LRRC8D: variants seen among roughly 807,000 people sequenced by gnomAD.
LRRC8D encodes the protein leucine rich repeat containing 8 VRAC subunit D.
LRRC8D carries 20 observed loss-of-function variants against 55.8 expected under a neutral mutation model. The observed-to-expected ratio is 0.36, with a 90% confidence interval of 0.25 to 0.52. The LOEUF is 0.52. Among genes scored for constraint, LRRC8D ranks in the 20% least tolerant of loss-of-function variants. LRRC8D has a pLI of 0.93. For synonymous variants in LRRC8D, 352 were observed against 377.0 expected, an observed-to-expected ratio of 0.93 and a Z score of 0.77; for missense variants, 651 against 1,030.8, an observed-to-expected ratio of 0.63 and a Z score of 5.05.
At chr1:89,922,151 C>T (rs944359351) in intron 2 of LRRC8D, among the ~76,000 whole-genome samples, 1 of 152,038 alleles carries the variant, frequency 6.6e-6, no homozygotes, top group Non-Finnish European at 1.5e-5. Context: ...GAAACCTCCG[C>T]CTCTCAGGTT....
intron 2 of LRRC8D, among the ~76,000 whole-genome samples, chr1:89,923,535 TC>T: frequency 6.6e-6 from 1 of 152,264 alleles, no homozygotes; most frequent in South Asian, 2.1e-4. Context: ...ACAGTGCTAT[TC>T]CTATCAAACT....
At position 89,933,356 on chromosome 1, in the gene LRRC8D, C is replaced by T. The variant is rs367601002; in HGVS notation, c.288C>T (p.Asn96=). 43 of 1,613,980 alleles carry T rather than the reference C, an allele frequency of 2.7e-5. No homozygotes were observed. Among genetic ancestry groups the T allele is most frequent in the Middle Eastern group, 3.3e-4 (2 of 6,084 alleles). Residue 96 remains asparagine (N), a synonymous_variant, in exon 3 of 3, where the codon AAC becomes AAT. Coordinates refer to ENST00000337338, the MANE Select transcript of LRRC8D (RefSeq NM_001134479.2). The surrounding 1 kb of genome is among the most constrained non-coding windows in gnomAD (Gnocchi z 7.0). ...AAGACCAAGATGGGCGGACAACAAACGACATTTCCTTTGGGACATCTGCTG... is the reference window on the plus strand; with the variant it reads ...AAGACCAAGATGGGCGGACAACAAATGACATTTCCTTTGGGACATCTGCTG... ...TNQDQDGRTT[N]DISFGTSAVT...
rs1409763996 is a variant in LRRC8D, at chr1:89,896,812, TAAAC to T, written c.-2-36252_-2-36249del. ...TTTTCTTGTGAATCATAGTTGTTAA[TAAAC>T]AAGCTAAATCTATATAGTGCGAAAT... On this transcript the variant is annotated intron_variant, in intron 2 of 2. Transcript: ENST00000337338. 2.0e-5 allele frequency among the ~76,000 whole-genome samples: 3 copies of T among 152,350 alleles called. No homozygotes were observed. The East Asian group carries it at 5.8e-4, about 29-fold the overall frequency.
At chr1:89,829,428 A>T (rs1469841753) in intron 1 of LRRC8D, among the ~76,000 whole-genome samples, 1 of 152,230 alleles carries the variant, frequency 6.6e-6, no homozygotes, top group African/African-American at 2.4e-5. Flanking sequence ...GTCACATAGA[A>T]GTGGCGGAGG....
At chr1:89,892,338 TGTTCC>T (rs747411116) in intron 2 of LRRC8D, among the ~76,000 whole-genome samples, 47 of 152,234 alleles carry the variant, frequency 3.1e-4, no homozygotes, top group Non-Finnish European at 5.9e-4. Context: ...TACCTGATTC[TGTTCC>T]CCAGCCCATT....
At chr1:89,913,742 A>G (rs899130984) in intron 2 of LRRC8D, among the ~76,000 whole-genome samples, 3 of 152,222 alleles carry the variant, frequency 2.0e-5, no homozygotes, top group African/African-American at 4.8e-5. Context: ...TATATTTTCT[A>G]AGTGGAAGAA....
chr1:89,834,820 G>A (rs1414530899), intron 1 of LRRC8D, among the ~76,000 whole-genome samples: 2 of 152,198 alleles, frequency 1.3e-5, no homozygotes, highest in East Asian at 3.9e-4. Flanking sequence ...GAGCAGCAAA[G>A]CATGGAGTTG....
Position 89,935,172 on chromosome 1 carries a change from A to G in LRRC8D, c.2104A>G (p.Ile702Val), listed in dbSNP as rs771012964. ...HNKIVTIPPSITHVKNLESLY... is the reference protein window; with the variant it reads ...HNKIVTIPPSVTHVKNLESLY... ...CAAAATTGTTACTATTCCTCCCTCT[A>G]TTACCCATGTCAAAAACTTGGAGTC... The change falls in exon 3 of 3, where the codon ATT becomes GTT. Residue 702 changes from isoleucine to valine, a missense_variant. Physicochemically the swap from Ile to Val is conservative, Grantham distance 29. Transcript: ENST00000337338. The G allele has an allele frequency of 5.6e-6, 9 of 1,614,190 alleles. No homozygotes were observed. The highest frequency in any genetic ancestry group is 7.6e-6 in the Non-Finnish European group (9 of 1,180,030).
chr1:89,909,349 T>A (rs1405633672), intron 2 of LRRC8D, among the ~76,000 whole-genome samples: 1 of 152,022 alleles, frequency 6.6e-6, no homozygotes, highest in African/African-American at 2.4e-5. Flanking sequence ...CATATCATTG[T>A]TTACAGACAG....
At chr1:89,875,682 G>C (rs1249433151) in intron 2 of LRRC8D, among the ~76,000 whole-genome samples, 1 of 152,118 alleles carries the variant, frequency 6.6e-6, no homozygotes, top group Non-Finnish European at 1.5e-5. Flanking sequence ...CCAACACATA[G>C]AAGGTGCTTA....
rs1002913081 is a variant in LRRC8D, at chr1:89,905,017, C to G, written c.-2-28050C>G. Among the ~76,000 whole-genome samples the G allele has an allele frequency of 2.4e-5, 3 of 126,596 alleles. 1 individual carries two copies. Among genetic ancestry groups the G allele is most frequent in the Admixed American group, 1.6e-4 (2 of 12,580 alleles). The allele number at this position is 126,596 out of a possible 152,430, so 83.1% of individuals were successfully genotyped here. On this transcript the variant is annotated intron_variant, in intron 2 of 2. Transcript: ENST00000337338. The stretch of plus-strand genomic sequence containing the variant: ...ACTTGATTTTGGAGGTTTTAAATAA[C>G]CCTTTTATAAAGGATTGATAGTTTA...
intron 2 of LRRC8D, among the ~76,000 whole-genome samples, chr1:89,884,164 A>G (rs1047772412): frequency 2.6e-5 from 4 of 152,232 alleles, no homozygotes; most frequent in Non-Finnish European, 5.9e-5. Context: ...CTAAAATTGC[A>G]GATGGGCCTT....
intron 2 of LRRC8D, among the ~76,000 whole-genome samples, chr1:89,861,228 T>C (rs956238260): frequency 6.6e-6 from 1 of 152,164 alleles, no homozygotes; most frequent in Non-Finnish European, 1.5e-5. Flanking sequence ...AAATACCACC[T>C]CTGTCCCCTG....
At chr1:89,835,013 A>G (rs575192342) in intron 1 of LRRC8D, among the ~76,000 whole-genome samples, 1 of 152,274 alleles carries the variant, frequency 6.6e-6, no homozygotes, top group African/African-American at 2.4e-5. Flanking sequence ...TTGAGAAGGG[A>G]AATAATTTTG....
rs543362421 is a variant in LRRC8D, at chr1:89,857,482, TAAC to T, written c.-3+13703_-3+13705del. ...TGTATTATCTGATTTTTAAAAAAAA[TAAC>T]AAGCAGGTATTTTATAATCAGAAAC... On this transcript the variant is annotated intron_variant, in intron 2 of 2. Coordinates refer to ENST00000337338, the MANE Select transcript of LRRC8D (RefSeq NM_001134479.2). Among the ~76,000 whole-genome samples, 966 of 150,102 alleles carry T rather than the reference TAAC, an allele frequency of 6.4e-3. 5 individuals are homozygous for T. Among genetic ancestry groups the T allele is most frequent in the African/African-American group, 0.023 (933 of 40,810 alleles).
At chr1:89,837,402 T>C (rs1011998536) in intron 1 of LRRC8D, among the ~76,000 whole-genome samples, 19 of 152,214 alleles carry the variant, frequency 1.2e-4, no homozygotes, top group African/African-American at 3.4e-4. Context: ...TTTCTTCTGC[T>C]GTATTTATGG....
chr1:89,896,894 T>C (rs763833108), intron 2 of LRRC8D, among the ~76,000 whole-genome samples: 14 of 152,234 alleles, frequency 9.2e-5, no homozygotes, highest in Non-Finnish European at 1.9e-4. Context: ...ATGCCTATTG[T>C]GCATTAGACA....
At chr1:89,863,446 C>A (rs763485710) in intron 2 of LRRC8D, among the ~76,000 whole-genome samples, 8 of 152,164 alleles carry the variant, frequency 5.3e-5, no homozygotes, top group Non-Finnish European at 1.2e-4. Flanking sequence ...ACCTCAGTTT[C>A]TTTTTGCCTC....
chr1:89,907,524 C>T (rs976030601), intron 2 of LRRC8D, among the ~76,000 whole-genome samples: 1 of 152,054 alleles, frequency 6.6e-6, no homozygotes, highest in Non-Finnish European at 1.5e-5. Context: ...TGCCTATGAG[C>T]AGATGAGGAA....
Sources: gnomAD v4.1 joint callset for allele counts (sites outside exome capture counted in the v4.1 genomes callset) on GRCh38, gnomAD v4.1.1 for gene constraint, Gnocchi (gnomAD v3.1) non-coding constraint, MANE v1.5 for transcripts, NCBI Gene and HGNC (gene_info 2026-07-23, HGNC 2026-07-21) for gene names.